The following CPZ variants were observed in gnomAD, a reference collection of about 807,000 sequenced individuals.
CPZ encodes carboxypeptidase Z.
A neutral mutation model predicts 61.8 loss-of-function variants in CPZ; 103 were observed. That is an observed-to-expected ratio of 1.67 (90% CI 1.42 to 1.96). The LOEUF (loss-of-function observed/expected upper bound fraction) is 1.96. Among genes scored for constraint, CPZ ranks in the 30% most tolerant of loss-of-function variants. CPZ has a pLI of 0.00. For missense variants in CPZ, 1,461 were observed against 914.9 expected, an observed-to-expected ratio of 1.60 and a Z score of -7.70; for synonymous variants, 551 against 373.7, an observed-to-expected ratio of 1.47 and a Z score of -5.47.
At chr4:8,607,048 C>G in intron 6 of CPZ, 150 bp downstream of exon 6, 3 of 1,096,036 alleles carry the variant, frequency 2.7e-6, no homozygotes, top group Non-Finnish European at 2.5e-6. Flanking sequence ...ATGGGAACAC[C>G]TCCTTGCTGG....
intron 1 of CPZ, among the ~76,000 whole-genome samples, chr4:8,593,248 GGT>G (rs1395756660): frequency 6.6e-6 from 1 of 152,204 alleles, no homozygotes; most frequent in East Asian, 1.9e-4. Flanking sequence ...CGAGGGAGCA[GGT>G]GCCAGGACTT....
intron 9 of CPZ, among the ~76,000 whole-genome samples, chr4:8,617,829 G>T (rs892100892): frequency 5.3e-5 from 8 of 152,204 alleles, no homozygotes; most frequent in African/African-American, 1.7e-4. Flanking sequence ...AAGAAATGTG[G>T]ACAGGATCAG....
chr4:8,608,238 C>T (rs1441910081), intron 7 of CPZ, among the ~76,000 whole-genome samples: 1 of 152,084 alleles, frequency 6.6e-6, no homozygotes, highest in African/African-American at 2.4e-5. Context: ...TGCCCTCCAC[C>T]TGGCCCCTTG....
intron 9 of CPZ, among the ~76,000 whole-genome samples, chr4:8,615,657 C>G (rs1227243320): frequency 1.3e-5 from 2 of 152,154 alleles, no homozygotes; most frequent in African/African-American, 2.4e-5. Flanking sequence ...GGGCCACACA[C>G]AGGCTTGTGC....
chr4:8,592,960 C>G, intron 1 of CPZ, 39 bp downstream of exon 1: 1 of 1,440,322 alleles, frequency 6.9e-7, no homozygotes, highest in Non-Finnish European at 9.4e-7. Flanking sequence ...ACCCTCCACC[C>G]TGCAACCTCT....
Position 8,607,467 on chromosome 4 carries a change from T to C in CPZ, c.1227+42T>C, listed in dbSNP as rs776059080. ...GTGTGTGCAGGGGAGGGAGACAGTG[T>C]GCGCGGTCCCCTTGGAGCTGGTGCC... On this transcript the variant is annotated intron_variant, in intron 7 of 10. Coordinates refer to ENST00000360986, the MANE Select transcript of CPZ (RefSeq NM_001014447.3). The C allele has an allele frequency of 4.4e-6, 7 of 1,600,030 alleles. No homozygotes were observed. The South Asian group carries it at 5.6e-5, about 13-fold the overall frequency.
At position 8,595,255 on chromosome 4, in the gene CPZ, G is replaced by A. The variant is rs539607815; in HGVS notation, c.88+2334G>A. 3.3e-5 allele frequency among the ~76,000 whole-genome samples: 5 copies of A among 152,210 alleles called. No homozygotes were observed. In the South Asian group the frequency reaches 8.3e-4, roughly 25 times the overall value. On this transcript the variant is annotated intron_variant, in intron 1 of 10. Coordinates refer to ENST00000360986, the MANE Select transcript of CPZ (RefSeq NM_001014447.3). The stretch of plus-strand genomic sequence containing the variant: ...AGGGCTCAGTGGCCACGTGTGGCTC[G>A]TGGCTGCTGTACTGGAGACCATGGC...
chr4:8,606,276 C>T (rs1309776923), intron 5 of CPZ, 91 bp downstream of exon 5: 13 of 1,271,802 alleles, frequency 1.0e-5, no homozygotes, highest in East Asian at 5.1e-5. Flanking sequence ...AGCAGTGCTT[C>T]GTTCCTGCCT....
chr4:8,607,233 C>T, intron 6 of CPZ, 34 bp from the exon 7 acceptor site: 3 of 1,606,674 alleles, frequency 1.9e-6, no homozygotes, highest in Middle Eastern at 1.7e-4. Flanking sequence ...TGGGAAAGCC[C>T]AGCCCTGAGG....
Position 8,612,165 on chromosome 4 carries a change from G to T in CPZ, c.1363+3G>T. 6.9e-7 allele frequency: 1 copy of T among 1,445,532 alleles called. No individual in the cohort carries two copies. 89.5% of individuals were successfully genotyped at this position (1,445,532 alleles called of 1,614,324 possible). A position where few individuals can be genotyped will look rare whatever the true frequency, so the allele number is the denominator to read the frequency against. ...GGACTGGTACAGCTTCACGGGAGGT[G>T]CGGCTTCCGCAGGGCGGGACTGGGC... On this transcript the variant is annotated splice_donor_region_variant and intron_variant, in intron 8 of 10. Transcript: ENST00000360986.
Position 8,606,090 on chromosome 4 carries a change from C to T in CPZ, c.811C>T (p.Leu271Phe), listed in dbSNP as rs1377129875. 3 of 1,614,202 alleles carry T rather than the reference C, an allele frequency of 1.9e-6. No homozygotes were observed. Among genetic ancestry groups the T allele is most frequent in the Non-Finnish European group, 2.5e-6 (3 of 1,180,036 alleles). ...LAQYLCSEYL[L>F]GNPRIQRLLN... is the part of the protein sequence containing the mutation. ...CCAGTACCTGTGCTCTGAGTACCTG[C>T]TTGGTAACCCCCGCATCCAGCGCCT... Residue 271 changes from leucine (L) to phenylalanine (F), a missense_variant, in exon 5 of 11, where the codon CTT becomes TTT. Transcript: ENST00000360986.
intron 8 of CPZ, among the ~76,000 whole-genome samples, chr4:8,612,757 G>T (rs1009402516): frequency 1.3e-5 from 2 of 152,176 alleles, no homozygotes; most frequent in Non-Finnish European, 2.9e-5. Flanking sequence ...CATGCTCTGG[G>T]CCCTGCCTGC....
At chr4:8,616,041 G>A (rs1013530211) in intron 9 of CPZ, among the ~76,000 whole-genome samples, 3 of 152,194 alleles carry the variant, frequency 2.0e-5, no homozygotes, top group Non-Finnish European at 4.4e-5. Context: ...GGTTGAAGGA[G>A]CCTCGGATGT....
intron 10 of CPZ, 127 bp downstream of exon 10, chr4:8,618,655 G>A: frequency 1.1e-6 from 1 of 875,264 alleles, no homozygotes; most frequent in East Asian, 2.7e-5. Flanking sequence ...TTCCTCCCCA[G>A]GCTGGCTGGG....
Position 8,604,985 on chromosome 4 carries a change from C to T in CPZ, c.709+797C>T, listed in dbSNP as rs112334439. The stretch of plus-strand genomic sequence containing the variant: ...CTGGCCCCCAAGGCTCACTATGTTC[C>T]CTCTCCAACTGTAACATGCTCTGGG... On this transcript the variant is annotated intron_variant, in intron 4 of 10. Coordinates refer to ENST00000360986, the MANE Select transcript of CPZ (RefSeq NM_001014447.3). Among the ~76,000 whole-genome samples, 746 of 152,358 alleles carry T rather than the reference C, an allele frequency of 4.9e-3. 3 individuals are homozygous for T. Among genetic ancestry groups the T allele is most frequent in the South Asian group, 0.04 (192 of 4,828 alleles).
At chr4:8,599,203 A>C (rs1171402494) in intron 1 of CPZ, among the ~76,000 whole-genome samples, 1 of 152,198 alleles carries the variant, frequency 6.6e-6, no homozygotes, top group Non-Finnish European at 1.5e-5. Context: ...GATGGATGCC[A>C]CTGACGCCTG....
chr4:8,604,994 C>G (rs1216845924), intron 4 of CPZ, among the ~76,000 whole-genome samples: 1 of 152,264 alleles, frequency 6.6e-6, no homozygotes. Context: ...CCCTCTCCAA[C>G]TGTAACATGC....
intron 2 of CPZ, 139 bp downstream of exon 2, chr4:8,599,624 C>G (rs1484470199): frequency 1.4e-6 from 2 of 1,475,522 alleles, no homozygotes; most frequent in Non-Finnish European, 1.8e-6. Flanking sequence ...AACTAGAACC[C>G]CCTCGTAAAC....
At chr4:8,594,037 C>T (rs1012943955) in intron 1 of CPZ, among the ~76,000 whole-genome samples, 9 of 152,168 alleles carry the variant, frequency 5.9e-5, no homozygotes, top group African/African-American at 2.2e-4. Context: ...GCTCTCCTGA[C>T]CTGCCCTTTC....
Sources: gnomAD v4.1 joint callset for allele counts (sites outside exome capture counted in the v4.1 genomes callset) on GRCh38, gnomAD v4.1.1 for gene constraint, MANE v1.5 for transcripts, NCBI Gene and HGNC (gene_info 2026-07-23, HGNC 2026-07-21) for gene names.